Variants in SPECC1 observed in about 807,000 individuals in gnomAD.
The protein encoded by SPECC1 is cytospin-B.
A neutral mutation model predicts 104.1 loss-of-function variants in SPECC1; 62 were observed. That is an observed-to-expected ratio of 0.60 (90% CI 0.49 to 0.74). The LOEUF is 0.74. Among genes scored for constraint, SPECC1 ranks in the 30% least tolerant of loss-of-function variants. SPECC1 has a pLI of 0.00. For synonymous variants in SPECC1, 513 were observed against 501.6 expected (o/e 1.02, Z -0.30); for missense variants, 1,306 against 1,310.5 (o/e 1.00, Z 0.05).
At chr17:20,111,945 G>A (rs751111539) in intron 3 of SPECC1, 36 of 792,700 alleles carry the variant, frequency 4.5e-5, no homozygotes, top group Non-Finnish European at 7.2e-5. Context: ...AAAGCCACCA[G>A]TGTGTATAAT....
At chr17:20,267,134 G>A (rs576541649) in intron 12 of SPECC1, among the ~76,000 whole-genome samples, 6 of 152,066 alleles carry the variant, frequency 3.9e-5, no homozygotes, top group East Asian at 3.9e-4. Flanking sequence ...TCAAAATGGC[G>A]CTCCTAGGAG....
chr17:20,126,616 A>G (rs2049322589), intron 3 of SPECC1: 1 of 152,244 alleles, frequency 6.6e-6, no homozygotes, highest in Non-Finnish European at 1.5e-5. Flanking sequence ...AGACAGTCAT[A>G]TCAGCTGCAG....
chr17:20,180,456 A>G (rs1218807950), intron 3 of SPECC1, among the ~76,000 whole-genome samples: 7 of 152,274 alleles, frequency 4.6e-5, no homozygotes, highest in African/African-American at 7.2e-5. Flanking sequence ...AGCAAAATGC[A>G]TAGAACAAAC....
At chr17:20,297,599 A>G (rs901164383) in intron 13 of SPECC1, among the ~76,000 whole-genome samples, 1 of 152,248 alleles carries the variant, frequency 6.6e-6, no homozygotes, top group Admixed American at 6.5e-5. Context: ...TCAGTGGGTC[A>G]GGTGGTCCAG....
intron 6 of SPECC1, 101 bp downstream of exon 6, chr17:20,231,932 A>G: frequency 7.9e-7 from 1 of 1,268,716 alleles, no homozygotes; most frequent in Non-Finnish European, 1.1e-6. Flanking sequence ...GAACGTTTCC[A>G]CGGCATGGTG....
chr17:20,043,833 C>T (rs184354962), intron 1 of SPECC1, among the ~76,000 whole-genome samples: 44 of 152,230 alleles, frequency 2.9e-4, no homozygotes, highest in African/African-American at 9.4e-4. Flanking sequence ...AGTAGTTACT[C>T]GTAGTCACAA....
chr17:20,297,899 T>G (rs1395444057), intron 13 of SPECC1, among the ~76,000 whole-genome samples: 1 of 152,226 alleles, frequency 6.6e-6, no homozygotes, highest in East Asian at 1.9e-4. Context: ...TATGCCCTCA[T>G]GAGCTAGACA....
intron 3 of SPECC1, among the ~76,000 whole-genome samples, chr17:20,167,044 T>G (rs2033711485): frequency 6.6e-6 from 1 of 151,476 alleles, no homozygotes; most frequent in Non-Finnish European, 1.5e-5. Context: ...ATGTTCTTTG[T>G]TAAACAAATG....
intron 7 of SPECC1, chr17:20,236,892 G>A (rs975379481): frequency 6.2e-7 from 1 of 1,613,734 alleles, no homozygotes. Context: ...CAGAGCATTT[G>A]GTGGAAGAAA....
chr17:20,028,319 G>A (rs879403412), intron 1 of SPECC1, among the ~76,000 whole-genome samples: 5 of 151,726 alleles, frequency 3.3e-5, no homozygotes, highest in African/African-American at 4.8e-5. Context: ...TTGTTGAAAA[G>A]AATGGTCTTG....
chr17:20,038,403 CTTTTT>C (rs10718870), intron 1 of SPECC1, among the ~76,000 whole-genome samples: 21 of 99,348 alleles, frequency 2.1e-4, no homozygotes, highest in Non-Finnish European at 3.6e-4. Context: ...TTTTGATATT[CTTTTT>C]TTTTTTTTTT....
intron 1 of SPECC1, among the ~76,000 whole-genome samples, chr17:20,075,366 G>T (rs566157923): frequency 6.6e-6 from 1 of 152,166 alleles, no homozygotes; most frequent in Non-Finnish European, 1.5e-5. Context: ...GAGATGGGTG[G>T]GCAGGTAGGT....
At chr17:20,299,651 CA>C (rs1233290652) in intron 13 of SPECC1, among the ~76,000 whole-genome samples, 1 of 151,666 alleles carries the variant, frequency 6.6e-6, no homozygotes, top group Admixed American at 6.6e-5. Flanking sequence ...CATGCCTATC[CA>C]AGTTAACACA....
chr17:20,155,810 C>G (rs1045122427), intron 3 of SPECC1: 1 of 613,706 alleles, frequency 1.6e-6, no homozygotes, highest in Non-Finnish European at 2.1e-6. Flanking sequence ...AGGCCTGCAG[C>G]CGGTCAGCCG....
At chr17:20,309,174 T>C (rs2041859029) in intron 14 of SPECC1, among the ~76,000 whole-genome samples, 1 of 152,156 alleles carries the variant, frequency 6.6e-6, no homozygotes, top group Non-Finnish European at 1.5e-5. Flanking sequence ...TTTCCTACAT[T>C]CTTAAATTTG....
At chr17:20,053,849 A>C (rs750140189) in intron 1 of SPECC1, among the ~76,000 whole-genome samples, 1 of 152,240 alleles carries the variant, frequency 6.6e-6, no homozygotes, top group Admixed American at 6.5e-5. Context: ...GGCCCACAGA[A>C]ACTGGGAGAT....
intron 3 of SPECC1, among the ~76,000 whole-genome samples, chr17:20,150,003 C>A (rs1363060907): frequency 1.3e-5 from 2 of 151,918 alleles, no homozygotes; most frequent in Non-Finnish European, 2.9e-5. Context: ...GATGGAGTCT[C>A]ACTCTGTCTC....
chr17:20,209,620 C>A (rs962974538), intron 4 of SPECC1, among the ~76,000 whole-genome samples: 6 of 151,472 alleles, frequency 4.0e-5, no homozygotes, highest in African/African-American at 1.2e-4. Flanking sequence ...TCTGATATAC[C>A]CCATATGCAT....
intron 5 of SPECC1, among the ~76,000 whole-genome samples, chr17:20,230,678 A>G (rs949207069): frequency 2.1e-4 from 32 of 152,252 alleles, no homozygotes; most frequent in African/African-American, 7.5e-4. Context: ...AAGACTGACA[A>G]CAATGCAAGC....
Sources: allele counts gnomAD v4.1 joint callset (sites outside exome capture counted in the v4.1 genomes callset), GRCh38; gene constraint gnomAD v4.1.1; transcripts MANE v1.5; gene names NCBI Gene and HGNC (gene_info 2026-07-23, HGNC 2026-07-21).